CREM: variants seen among roughly 807,000 people sequenced by gnomAD.
The protein encoded by CREM is cAMP responsive element modulator.
Under a neutral mutation model 37.3 loss-of-function variants are expected in CREM, and 13 were observed. The observed-to-expected ratio is 0.35, with a 90% CI of 0.23 to 0.55. The LOEUF is 0.55. Among genes scored for constraint, CREM ranks in the 20% least tolerant of loss-of-function variants. The probability of loss-of-function intolerance (pLI) is 0.88; values close to 1 mark genes in which losing one functional copy is unlikely to be tolerated. For missense variants in CREM, 296 were observed against 362.3 expected (o/e 0.82, Z 1.49); for synonymous variants, 124 against 120.2 (o/e 1.03, Z -0.21).
intron 1 of CREM, chr10:35,135,454 C>G (rs1459809013): frequency 6.6e-6 from 1 of 151,902 alleles, no homozygotes; most frequent in African/African-American, 2.4e-5. Flanking sequence ...AGTGTTACAG[C>G]TCTTAGAATT....
At chr10:35,189,305 GGGTTACCTGA>G (rs2094803679) in intron 6 of CREM, among the ~76,000 whole-genome samples, 2 of 151,760 alleles carry the variant, frequency 1.3e-5, no homozygotes, top group African/African-American at 4.8e-5. Context: ...TAAGCTTTTA[GGGTTACCTGA>G]GATTTCAACT....
At chr10:35,190,994 C>G (rs193104039) in intron 6 of CREM, among the ~76,000 whole-genome samples, 1 of 152,182 alleles carries the variant, frequency 6.6e-6, no homozygotes, top group African/African-American at 2.4e-5. Context: ...GAGCTGAAGT[C>G]TTCATAATGT....
At chr10:35,161,230 G>A (rs961922297) in intron 3 of CREM, among the ~76,000 whole-genome samples, 1 of 151,772 alleles carries the variant, frequency 6.6e-6, no homozygotes, top group Non-Finnish European at 1.5e-5. Context: ...TCCGCCTCCT[G>A]GGTTAAAGCT....
At chr10:35,176,701 G>A (rs890750409) in intron 3 of CREM, among the ~76,000 whole-genome samples, 14 of 151,924 alleles carry the variant, frequency 9.2e-5, no homozygotes, top group Middle Eastern at 6.8e-3. Flanking sequence ...GAGCCACTGC[G>A]CCCAGCCAGT....
chr10:35,203,512 T>G (rs555462026), intron 6 of CREM, among the ~76,000 whole-genome samples: 395 of 152,108 alleles, frequency 2.6e-3, no homozygotes, highest in Non-Finnish European at 4.7e-3. Context: ...GCCAGAATGG[T>G]GAAATCTCAT....
intron 5 of CREM, chr10:35,179,963 G>GA (rs998236776): frequency 6.6e-6 from 1 of 152,226 alleles, no homozygotes; most frequent in Non-Finnish European, 1.5e-5. Flanking sequence ...AGAAAGAAAA[G>GA]AAAAAGGAGG....
chr10:35,198,577 G>T (rs1320373242), intron 6 of CREM, among the ~76,000 whole-genome samples: 1 of 150,338 alleles, frequency 6.7e-6, no homozygotes, highest in Non-Finnish European at 1.5e-5. Context: ...TATTGATTTT[G>T]TGGGGCATAA....
At chr10:35,174,975 A>G (rs1029558278) in intron 3 of CREM, among the ~76,000 whole-genome samples, 5 of 152,224 alleles carry the variant, frequency 3.3e-5, no homozygotes, top group African/African-American at 1.2e-4. Flanking sequence ...CCTTCAAGGC[A>G]TGAGCTTTCT....
At chr10:35,128,075 C>T (rs1268400889) in intron 1 of CREM, among the ~76,000 whole-genome samples, 1 of 152,164 alleles carries the variant, frequency 6.6e-6, no homozygotes, top group Non-Finnish European at 1.5e-5. Context: ...GAACTCCTGA[C>T]CTTCCACCCA....
rs1379692107 is a variant in CREM, at chr10:35,206,932, T to G, written c.636T>G (p.Ala212=). 2.5e-6 allele frequency: 4 copies of G among 1,613,794 alleles called. No individual in the cohort carries two copies. Among genetic ancestry groups the G allele is most frequent in the Non-Finnish European group, 3.4e-6 (4 of 1,180,008 alleles). ...ACATGCCAACTTACCAGATCCGAGCTCCTACTGCTGCTTTGCCACAGGGAG... is the reference window on the plus strand; with the variant it reads ...ACATGCCAACTTACCAGATCCGAGCGCCTACTGCTGCTTTGCCACAGGGAG... The part of the protein sequence containing the change: ...TGDMPTYQIR[A]PTAALPQGVV... Residue 212 remains alanine (A), a synonymous_variant, in exon 7 of 8, where the codon GCT becomes GCG. Coordinates refer to ENST00000685392, the MANE Select transcript of CREM (RefSeq NM_183011.2).
At chr10:35,138,573 C>A (rs1406446348) in intron 2 of CREM, among the ~76,000 whole-genome samples, 3 of 147,296 alleles carry the variant, frequency 2.0e-5, no homozygotes, top group Non-Finnish European at 4.4e-5. Context: ...GTTACCCAGG[C>A]TGGTGTGCAA....
chr10:35,212,056 T>A lies in CREM; in HGVS notation c.*658T>A. 3.0e-6 allele frequency: 1 copy of A among 336,654 alleles called. No individual in the cohort carries two copies. Among genetic ancestry groups the A allele is most frequent in the Non-Finnish European group, 5.3e-6 (1 of 187,572 alleles). The allele number at this position is 336,654 out of a possible 1,614,324, so 20.9% of individuals were successfully genotyped here. Reference sequence around the variant, plus strand: ...TTGTAAGGCTTGTTCCAATGCCACATACTTGCAGCTCCCATTCTATGTGTC... The same window carrying A: ...TTGTAAGGCTTGTTCCAATGCCACAAACTTGCAGCTCCCATTCTATGTGTC... On this transcript the variant is annotated 3_prime_UTR_variant, in exon 8 of 8. Transcript: ENST00000685392.
intron 7 of CREM, among the ~76,000 whole-genome samples, chr10:35,207,351 G>C (rs1247051180): frequency 6.6e-6 from 1 of 151,878 alleles, no homozygotes; most frequent in Non-Finnish European, 1.5e-5. Flanking sequence ...CCAAGATCGT[G>C]CCACTGCACT....
chr10:35,205,890 G>A (rs1351773260), intron 6 of CREM, among the ~76,000 whole-genome samples: 1 of 151,860 alleles, frequency 6.6e-6, no homozygotes, highest in Non-Finnish European at 1.5e-5. Context: ...CTGGGGAGGT[G>A]GAGGTTACAG....
chr10:35,137,995 T>C lies in CREM; in HGVS notation c.44+116T>C, dbSNP rs1433461600. 2.5e-5 allele frequency: 15 copies of C among 610,378 alleles called. No individual in the cohort carries two copies. The Middle Eastern group carries it at 1.5e-3, about 62-fold the overall frequency. The allele number at this position is 610,378 out of a possible 1,614,324, so 37.8% of individuals were successfully genotyped here. A position where few individuals can be genotyped will look rare whatever the true frequency, so the allele number is the denominator to read the frequency against. On this transcript the variant is annotated intron_variant, in intron 2 of 7. Transcript: ENST00000685392. The stretch of plus-strand genomic sequence containing the variant: ...ATGTATGTATGTATATATATTCTAT[T>C]ATAATATATACTCAAATTATTCAGC...
chr10:35,166,124 A>G (rs2093539969), intron 3 of CREM, among the ~76,000 whole-genome samples: 1 of 152,250 alleles, frequency 6.6e-6, no homozygotes, highest in Non-Finnish European at 1.5e-5. Context: ...ATCTCTTTAG[A>G]AGATAATGGA....
rs1491230780 is a variant in CREM at position 35,158,817 on chromosome 10, G to GTTTTT, written c.168+10329_168+10330insTTTTT. On this transcript the variant is annotated intron_variant, in intron 3 of 7. Coordinates refer to ENST00000685392, the MANE Select transcript of CREM (RefSeq NM_183011.2). ...TATAGTGTTTTTTTTTTGTTGTTTT[G>GTTTTT]TTTGTTTTTTTTTTTTTTTTACAGA... Among the ~76,000 whole-genome samples, 47 of 64,998 alleles carry GTTTTT rather than the reference G, an allele frequency of 7.2e-4. 1 individual carries two copies. The highest frequency in any genetic ancestry group is 2.1e-3 in the African/African-American group (47 of 21,918). 42.6% of individuals were successfully genotyped at this position (64,998 alleles called of 152,430 possible). A position where few individuals can be genotyped will look rare whatever the true frequency, so the allele number is the denominator to read the frequency against.
chr10:35,150,472 A>C (rs902767091), intron 3 of CREM, among the ~76,000 whole-genome samples: 1 of 152,164 alleles, frequency 6.6e-6, no homozygotes, highest in Non-Finnish European at 1.5e-5. Context: ...GGTAATTTGC[A>C]ATTCTGAGGA....
chr10:35,172,419 A>G lies in CREM; in HGVS notation c.169-6470A>G, dbSNP rs376421079. Among the ~76,000 whole-genome samples the G allele has an allele frequency of 6.1e-4, 93 of 152,174 alleles. No individual in the cohort carries two copies. The South Asian group carries it at 0.018, about 30-fold the overall frequency. On this transcript the variant is annotated intron_variant, in intron 3 of 7. Transcript: ENST00000685392. ...AAACCATTTTCACGGTGATGCTAAG[A>G]TGTTGTTTTTCTTTTTCTCTGTTTT...
Sources: allele counts gnomAD v4.1 joint callset (sites outside exome capture counted in the v4.1 genomes callset), GRCh38; gene constraint gnomAD v4.1.1; transcripts MANE v1.5; gene names NCBI Gene and HGNC (gene_info 2026-07-23, HGNC 2026-07-21).